Variants in MOB1B observed in about 807,000 individuals in gnomAD.
The protein encoded by MOB1B is MOB kinase activator 1B, also known as MOB1 Mps One Binder homolog B.
Under a neutral mutation model 24.4 loss-of-function variants are expected in MOB1B, and 19 were observed. The ratio of observed to expected loss-of-function variants is 0.78; its 90% CI spans 0.54 to 1.14. The LOEUF (loss-of-function observed/expected upper bound fraction) is 1.14. Among genes scored for constraint, MOB1B ranks in the 50% most tolerant of loss-of-function variants. MOB1B has a pLI of 0.00. For missense variants in MOB1B, 243 were observed against 259.6 expected (o/e 0.94, Z 0.44); for synonymous variants, 76 against 82.1 (o/e 0.93, Z 0.40).
chr4:70,907,910 A>G (rs1184244182), intron 1 of MOB1B, among the ~76,000 whole-genome samples: 2 of 152,172 alleles, frequency 1.3e-5, no homozygotes, highest in African/African-American at 4.8e-5. Flanking sequence ...CCTCCAGAGT[A>G]GCTGGGATTA....
At chr4:70,960,104 G>A (rs1055829483) in intron 2 of MOB1B, among the ~76,000 whole-genome samples, 120 of 152,078 alleles carry the variant, frequency 7.9e-4, no homozygotes, top group African/African-American at 2.6e-3. Flanking sequence ...GGCTGGTCTC[G>A]AACTCCTGAC....
chr4:70,968,194 T>C (rs750389556), intron 2 of MOB1B, among the ~76,000 whole-genome samples: 8 of 152,148 alleles, frequency 5.3e-5, no homozygotes, highest in Non-Finnish European at 5.9e-5. Flanking sequence ...GTCACAAATA[T>C]ATTTTTCTAT....
chr4:70,969,823 C>CTT, intron 2 of MOB1B, 108 bp from the exon 3 acceptor site: 1 of 515,148 alleles, frequency 1.9e-6, no homozygotes. Flanking sequence ...TTCACCTGTT[C>CTT]TTTGTAGGGG....
chr4:70,953,028 C>T (rs1486927217), intron 1 of MOB1B, among the ~76,000 whole-genome samples: 3 of 150,234 alleles, frequency 2.0e-5, no homozygotes, highest in Admixed American at 1.3e-4. Context: ...CTGCAACCTC[C>T]GCCTCCTGGG....
At chr4:70,905,236 C>G (rs1735694350) in intron 1 of MOB1B, among the ~76,000 whole-genome samples, 1 of 151,188 alleles carries the variant, frequency 6.6e-6, no homozygotes, top group Non-Finnish European at 1.5e-5. Context: ...TGTCTGAATA[C>G]TGTTTCTTTT....
chr4:70,932,541 A>G (rs1015092793), intron 1 of MOB1B, among the ~76,000 whole-genome samples: 2 of 152,184 alleles, frequency 1.3e-5, no homozygotes, highest in African/African-American at 4.8e-5. Context: ...CTCTTGCAGC[A>G]TGCTGGTCTC....
intron 1 of MOB1B, among the ~76,000 whole-genome samples, chr4:70,929,738 T>C (rs1490655616): frequency 3.3e-5 from 5 of 151,568 alleles, no homozygotes; most frequent in Admixed American, 6.6e-5. Flanking sequence ...CTCCGCCTCC[T>C]GGGTTTACGC....
chr4:70,976,235 C>T (rs929784356), intron 4 of MOB1B: 2 of 984,378 alleles, frequency 2.0e-6, no homozygotes, highest in Non-Finnish European at 2.4e-6. Flanking sequence ...AAATCTGGCC[C>T]AAAAAACAGA....
chr4:70,906,149 G>C (rs1735729072), intron 1 of MOB1B, among the ~76,000 whole-genome samples: 1 of 152,058 alleles, frequency 6.6e-6, no homozygotes, highest in African/African-American at 2.4e-5. Context: ...AGGCCGAGGT[G>C]GGTGGATCAC....
chr4:70,919,437 C>T (rs188300403), intron 1 of MOB1B, among the ~76,000 whole-genome samples: 163 of 152,006 alleles, frequency 1.1e-3, no homozygotes, highest in African/African-American at 3.5e-3. Flanking sequence ...CCTTTTATAA[C>T]CTTTTACCAA....
At chr4:70,917,729 A>G (rs1305318341) in intron 1 of MOB1B, among the ~76,000 whole-genome samples, 1 of 152,238 alleles carries the variant, frequency 6.6e-6, no homozygotes, top group Non-Finnish European at 1.5e-5. Flanking sequence ...CAACCAGAAA[A>G]CATGCATTGA....
intron 1 of MOB1B, among the ~76,000 whole-genome samples, chr4:70,922,408 A>G (rs1736471871): frequency 6.6e-6 from 1 of 152,226 alleles, no homozygotes; most frequent in South Asian, 2.1e-4. Flanking sequence ...CACATGTAAA[A>G]TAAACATTGG....
chr4:70,960,283 G>A (rs559559897), intron 2 of MOB1B, among the ~76,000 whole-genome samples: 74 of 152,032 alleles, frequency 4.9e-4, no homozygotes, highest in Non-Finnish European at 9.3e-4. Flanking sequence ...AATAACGTAT[G>A]AATAGTAATT....
chr4:70,923,336 A>G (rs1023328693), intron 1 of MOB1B, among the ~76,000 whole-genome samples: 1 of 152,082 alleles, frequency 6.6e-6, no homozygotes, highest in African/African-American at 2.4e-5. Context: ...TTAGTGTGTC[A>G]CATGTCTCTG....
intron 1 of MOB1B, among the ~76,000 whole-genome samples, chr4:70,914,723 A>C (rs1736128826): frequency 1.3e-5 from 2 of 152,290 alleles, no homozygotes; most frequent in South Asian, 2.1e-4. Context: ...GTTGGTAAGA[A>C]ACCTGACTTT....
intron 1 of MOB1B, among the ~76,000 whole-genome samples, chr4:70,949,892 A>G (rs929473846): frequency 2.6e-5 from 4 of 152,090 alleles, no homozygotes; most frequent in African/African-American, 7.2e-5. Flanking sequence ...CCTAGGGGAC[A>G]GAGTGAACCC....
intron 1 of MOB1B, chr4:70,950,845 T>A (rs1300501767): frequency 1.7e-6 from 2 of 1,179,706 alleles, no homozygotes; most frequent in East Asian, 5.1e-5. Flanking sequence ...AGAGAACTAA[T>A]AGTAGTGAAG....
chr4:70,921,502 C>CTCCCCTCCCT (rs1736439411), intron 1 of MOB1B, among the ~76,000 whole-genome samples: 1 of 136,648 alleles, frequency 7.3e-6, no homozygotes, highest in Non-Finnish European at 1.6e-5. Flanking sequence ...CTCCCCTCCC[C>CTCCCCTCCCT]TCCCCTCCCC....
At chr4:70,926,000 G>T (rs1039231260) in intron 1 of MOB1B, among the ~76,000 whole-genome samples, 1 of 152,066 alleles carries the variant, frequency 6.6e-6, no homozygotes, top group African/African-American at 2.4e-5. Context: ...TTTCTTATTT[G>T]TGTGAGTGAC....
Sources: gnomAD v4.1 joint callset for allele counts (sites outside exome capture counted in the v4.1 genomes callset) on GRCh38, gnomAD v4.1.1 for gene constraint, MANE v1.5 for transcripts, NCBI Gene and HGNC (gene_info 2026-07-23, HGNC 2026-07-21) for gene names.